The following EYA2 variants were observed in gnomAD, a reference collection of about 807,000 sequenced individuals.
The protein encoded by EYA2 is EYA transcriptional coactivator and phosphatase 2.
Under a neutral mutation model 69.2 loss-of-function variants are expected in EYA2, and 31 were observed. That is an observed-to-expected ratio of 0.45 (90% CI 0.34 to 0.60). The LOEUF is 0.60. EYA2 is among the 20% of genes least tolerant of loss of function. The probability of loss-of-function intolerance (pLI) is 0.02; values close to 1 mark genes in which losing one functional copy is unlikely to be tolerated. For synonymous variants in EYA2, 257 were observed against 279.4 expected (o/e 0.92, Z 0.80); for missense variants, 622 against 701.2 (o/e 0.89, Z 1.28).
chr20:47,005,089 G>A lies in EYA2; in HGVS notation c.298+5G>A. 1 of 1,613,284 alleles carries A rather than the reference G, an allele frequency of 6.2e-7. No individual in the cohort carries two copies. The highest frequency in any genetic ancestry group is 2.2e-5 in the East Asian group (1 of 44,886). On this transcript the variant is annotated splice_donor_5th_base_variant and intron_variant, in intron 4 of 15. Coordinates refer to ENST00000327619, the MANE Select transcript of EYA2 (RefSeq NM_005244.5). Reference sequence around the variant, plus strand: ...CCTATGGAATCCCTTCCTACAGTGAGTAGTAAACAAGTCCTTACTCTCCTC... The same window carrying A: ...CCTATGGAATCCCTTCCTACAGTGAATAGTAAACAAGTCCTTACTCTCCTC...
At chr20:47,014,424 TAGAC>T (rs1270833447) in intron 4 of EYA2, among the ~76,000 whole-genome samples, 9 of 152,162 alleles carry the variant, frequency 5.9e-5, no homozygotes, top group Admixed American at 5.9e-4. Flanking sequence ...ACCCATAAGA[TAGAC>T]AGAGATAAGC....
At chr20:46,997,694 C>G (rs1468280647) in intron 2 of EYA2, 1 of 152,334 alleles carries the variant, frequency 6.6e-6, no homozygotes, top group Admixed American at 6.5e-5. Flanking sequence ...AATGACTCCT[C>G]CATTGACCTT....
intron 1 of EYA2, among the ~76,000 whole-genome samples, chr20:46,972,776 C>T (rs966164336): frequency 6.6e-6 from 1 of 151,992 alleles, no homozygotes; most frequent in Non-Finnish European, 1.5e-5. Context: ...GCTTAGTCAC[C>T]ACTGTACCAG....
chr20:47,026,353 T>G (rs1165691587), intron 5 of EYA2, among the ~76,000 whole-genome samples: 1 of 152,122 alleles, frequency 6.6e-6, no homozygotes, highest in Non-Finnish European at 1.5e-5. Context: ...TTTATAACCT[T>G]GGAGTGGAAA....
At chr20:46,921,836 A>G (rs918124152) in intron 1 of EYA2, among the ~76,000 whole-genome samples, 37 of 152,188 alleles carry the variant, frequency 2.4e-4, no homozygotes, top group African/African-American at 8.7e-4. Context: ...ATATTAGCCA[A>G]TACATTATTT....
At chr20:47,120,026 G>A (rs2033003303) in intron 9 of EYA2, among the ~76,000 whole-genome samples, 1 of 152,224 alleles carries the variant, frequency 6.6e-6, no homozygotes, top group African/African-American at 2.4e-5. Context: ...GGCCAACATG[G>A]TGAAACCCCG....
chr20:47,123,124 T>C (rs1333160001), intron 9 of EYA2, among the ~76,000 whole-genome samples: 1 of 152,156 alleles, frequency 6.6e-6, no homozygotes. Flanking sequence ...CTGTACCTCC[T>C]ATGTAGTAAA....
chr20:47,062,710 C>G (rs2030939195), intron 5 of EYA2, among the ~76,000 whole-genome samples: 1 of 152,180 alleles, frequency 6.6e-6, no homozygotes, highest in Admixed American at 6.5e-5. Context: ...TGTCCTCCCT[C>G]TGTCCAGAAG....
intron 1 of EYA2, among the ~76,000 whole-genome samples, chr20:46,944,158 G>C (rs915598998): frequency 2.6e-5 from 4 of 152,176 alleles, no homozygotes; most frequent in Non-Finnish European, 5.9e-5. Flanking sequence ...AGCCAGGTGA[G>C]GGCCTGGCTG....
intron 1 of EYA2, among the ~76,000 whole-genome samples, chr20:46,954,370 G>A (rs1978988097): frequency 6.6e-6 from 1 of 152,204 alleles, no homozygotes; most frequent in Non-Finnish European, 1.5e-5. Flanking sequence ...AGACAGGGAG[G>A]AAGGAAGGGG....
chr20:46,914,678 C>T (rs181486160), intron 1 of EYA2, among the ~76,000 whole-genome samples: 1 of 152,290 alleles, frequency 6.6e-6, no homozygotes, highest in East Asian at 1.9e-4. Context: ...ATTATCTCCA[C>T]CTAGTCCCTC....
At chr20:46,986,282 ATCTC>A (rs1040778847) in intron 1 of EYA2, among the ~76,000 whole-genome samples, 1 of 139,980 alleles carries the variant, frequency 7.1e-6, no homozygotes, top group East Asian at 2.0e-4. Flanking sequence ...TATATAATAT[ATCTC>A]TATATATCTA....
At chr20:47,017,464 G>T (rs1204931767) in intron 5 of EYA2, among the ~76,000 whole-genome samples, 1 of 151,926 alleles carries the variant, frequency 6.6e-6, no homozygotes, top group Non-Finnish European at 1.5e-5. Context: ...GCAACTACTT[G>T]GAAGTACTAT....
At chr20:47,068,680 G>A (rs2031203228) in intron 5 of EYA2, among the ~76,000 whole-genome samples, 1 of 152,166 alleles carries the variant, frequency 6.6e-6, no homozygotes. Flanking sequence ...AACAAGGGTT[G>A]AGATCCTATG....
chr20:47,015,676 A>G (rs554662312), intron 4 of EYA2, among the ~76,000 whole-genome samples: 1 of 152,306 alleles, frequency 6.6e-6, no homozygotes, highest in Admixed American at 6.5e-5. Flanking sequence ...AGCTGGTGGC[A>G]TGTACAAAAT....
chr20:47,123,981 C>G (rs920356282), intron 9 of EYA2, among the ~76,000 whole-genome samples: 2 of 127,002 alleles, frequency 1.6e-5, no homozygotes, highest in African/African-American at 6.0e-5. Context: ...GATTCCATCT[C>G]AAAAAAAAAA....
chr20:47,104,592 T>G (rs1305598258), intron 9 of EYA2, among the ~76,000 whole-genome samples: 1 of 152,216 alleles, frequency 6.6e-6, no homozygotes, highest in Non-Finnish European at 1.5e-5. Context: ...TGATCCATTT[T>G]GAGTTAATTT....
rs182673957 is a variant in EYA2 at position 46,987,927 on chromosome 20, T to A, written c.-10-2074T>A. 6.2e-3 allele frequency among the ~76,000 whole-genome samples: 141 copies of A among 22,612 alleles called. 26 individuals are homozygous for A. The highest frequency in any genetic ancestry group is 7.1e-3 in the Non-Finnish European group (87 of 12,258). The allele number at this position is 22,612 out of a possible 152,430, so 14.8% of individuals were successfully genotyped here. ...GGAAGACAGAGTAAGTCTCTCTCTCTCTCTCTCTCTCTCTCTCTCTCTCTC... is the reference window on the plus strand; with the variant it reads ...GGAAGACAGAGTAAGTCTCTCTCTCACTCTCTCTCTCTCTCTCTCTCTCTC... On this transcript the variant is annotated intron_variant, in intron 1 of 15. Coordinates refer to ENST00000327619, the MANE Select transcript of EYA2 (RefSeq NM_005244.5).
intron 7 of EYA2, among the ~76,000 whole-genome samples, chr20:47,085,444 G>A (rs568284565): frequency 7.9e-5 from 12 of 151,942 alleles, no homozygotes; most frequent in African/African-American, 2.2e-4. Context: ...TCAAGAGATC[G>A]AGACCACCCT....
Sources: gnomAD v4.1 joint callset for allele counts (sites outside exome capture counted in the v4.1 genomes callset) on GRCh38, gnomAD v4.1.1 for gene constraint, MANE v1.5 for transcripts, NCBI Gene and HGNC (gene_info 2026-07-23, HGNC 2026-07-21) for gene names.